FHIT: variants seen among roughly 807,000 people sequenced by gnomAD.
FHIT encodes the protein fragile histidine triad diadenosine triphosphatase, also known as bis(5'-adenosyl)-triphosphatase.
FHIT carries 19 observed loss-of-function variants against 17.9 expected under a neutral mutation model. The observed-to-expected ratio is 1.06, with a 90% CI of 0.74 to 1.56. FHIT has a LOEUF of 1.56. Ranked by LOEUF, FHIT falls within the 40% of genes most tolerant of loss-of-function variation. FHIT has a pLI of 0.00. For synonymous variants in FHIT, 81 were observed against 69.7 expected (o/e 1.16, Z -0.81); for missense variants, 248 against 189.2 (o/e 1.31, Z -1.82).
chr3:59,758,711 T>A (rs1701345831), intron 8 of FHIT, among the ~76,000 whole-genome samples: 1 of 152,176 alleles, frequency 6.6e-6, no homozygotes, highest in Non-Finnish European at 1.5e-5. Context: ...TGACAAATCA[T>A]GTCAAGTCTC....
At chr3:61,095,393 C>A (rs1488254683) in intron 2 of FHIT, among the ~76,000 whole-genome samples, 2 of 152,174 alleles carry the variant, frequency 1.3e-5, no homozygotes, top group African/African-American at 4.8e-5. Flanking sequence ...TGGAACAATT[C>A]TAAGCCTGTC....
intron 3 of FHIT, among the ~76,000 whole-genome samples, chr3:61,014,753 C>A (rs1678686068): frequency 8.2e-6 from 1 of 122,016 alleles, no homozygotes; most frequent in Admixed American, 1.0e-4. Context: ...GCACTCCAGC[C>A]TGGGTGACAG....
chr3:61,037,352 C>T (rs984682685), intron 3 of FHIT, among the ~76,000 whole-genome samples: 1 of 152,106 alleles, frequency 6.6e-6, no homozygotes, highest in African/African-American at 2.4e-5. Context: ...ATTTTCTCTC[C>T]GTTTCCTCAA....
At chr3:59,994,253 G>C (rs896690816) in intron 7 of FHIT, among the ~76,000 whole-genome samples, 1 of 152,186 alleles carries the variant, frequency 6.6e-6, no homozygotes, top group East Asian at 1.9e-4. Flanking sequence ...GTAAAGTACT[G>C]TTACCATCAA....
rs1209779473 is a variant in FHIT, at chr3:59,748,572, G to C, written c.*1013C>G. On this transcript the variant is annotated 3_prime_UTR_variant, in exon 10 of 10. Transcript: ENST00000492590. ...GAAGAAGTCCAGCAGGCGAGGAGGT[G>C]GGAGGTCCTCAAGGCAGAAATAGGC... Among the ~76,000 whole-genome samples the C allele has an allele frequency of 6.7e-6, 1 of 149,550 alleles. No homozygotes were observed. The highest frequency in any genetic ancestry group is 2.2e-4 in the South Asian group (1 of 4,646).
At chr3:61,026,003 G>C (rs1559919965) in intron 3 of FHIT, among the ~76,000 whole-genome samples, 1 of 151,832 alleles carries the variant, frequency 6.6e-6, no homozygotes, top group Non-Finnish European at 1.5e-5. Context: ...AAAATTTATT[G>C]GTACATATTT....
chr3:60,833,528 T>G (rs561031847), intron 3 of FHIT, among the ~76,000 whole-genome samples: 1 of 152,302 alleles, frequency 6.6e-6, no homozygotes, highest in Non-Finnish European at 1.5e-5. Context: ...TCTGTGACCT[T>G]CTCCTCTATG....
chr3:60,891,894 C>T lies in FHIT; in HGVS notation c.-110-69883G>A, dbSNP rs1206589918. 3.9e-5 allele frequency among the ~76,000 whole-genome samples: 6 copies of T among 152,158 alleles called. No individual in the cohort carries two copies. The East Asian group carries it at 1.2e-3, about 29-fold the overall frequency. On this transcript the variant is annotated intron_variant, in intron 3 of 9. Coordinates refer to ENST00000492590, the MANE Select transcript of FHIT (RefSeq NM_002012.4). ...AAGTGAGCAAACAAGGAAACTAAGA[C>T]ATTAATGAGACATGTGGTTCAAAAG...
chr3:60,447,064 T>C (rs1453948953), intron 5 of FHIT, among the ~76,000 whole-genome samples: 4 of 152,002 alleles, frequency 2.6e-5, no homozygotes, highest in African/African-American at 9.7e-5. Context: ...ATTTTCTAGC[T>C]GCCTGTTTTC....
chr3:59,853,958 T>C (rs768114752), intron 8 of FHIT, among the ~76,000 whole-genome samples: 14 of 151,962 alleles, frequency 9.2e-5, no homozygotes, highest in Non-Finnish European at 1.8e-4. Flanking sequence ...ATCCCACCAA[T>C]AGATAAAGTC....
At chr3:60,429,346 A>C (rs1169439368) in intron 5 of FHIT, among the ~76,000 whole-genome samples, 3 of 152,140 alleles carry the variant, frequency 2.0e-5, no homozygotes, top group Non-Finnish European at 2.9e-5. Context: ...TGAGTAAGAC[A>C]TTAAAAAATT....
intron 1 of FHIT, among the ~76,000 whole-genome samples, chr3:61,205,203 T>C (rs1345656435): frequency 2.0e-4 from 30 of 152,162 alleles, no homozygotes; most frequent in Admixed American, 2.0e-3. Flanking sequence ...TGCCACATTT[T>C]CTTAATCCAG....
Position 61,042,095 on chromosome 3 carries a change from C to T in FHIT, c.-159G>A, listed in dbSNP as rs532916034. The T allele has an allele frequency of 6.6e-5, 10 of 152,232 alleles. No homozygotes were observed. Among genetic ancestry groups the T allele is most frequent in the African/African-American group, 1.9e-4 (8 of 41,522 alleles). 9.4% of individuals were successfully genotyped at this position (152,232 alleles called of 1,614,324 possible). ...CACCGTCTGGATGTAGATAGCACTA[C>T]GGACCTAGGGAAAGGCAGAAACACA... On this transcript the variant is annotated 5_prime_UTR_variant, in exon 3 of 10. Coordinates refer to ENST00000492590, the MANE Select transcript of FHIT (RefSeq NM_002012.4).
At chr3:60,269,602 A>G (rs577700546) in intron 5 of FHIT, among the ~76,000 whole-genome samples, 2 of 152,352 alleles carry the variant, frequency 1.3e-5, no homozygotes, top group South Asian at 4.1e-4. Context: ...GCAAAGAAAT[A>G]TCTTTTGAGG....
At chr3:59,797,050 T>C (rs1699804979) in intron 8 of FHIT, among the ~76,000 whole-genome samples, 2 of 152,204 alleles carry the variant, frequency 1.3e-5, no homozygotes, top group African/African-American at 4.8e-5. Context: ...TTTCATCATA[T>C]ATTTAACATC....
At chr3:60,006,598 C>G (rs17061746) in intron 7 of FHIT, among the ~76,000 whole-genome samples, 4,901 of 151,320 alleles carry the variant, frequency 0.032, 125 homozygotes, top group East Asian at 0.095. Flanking sequence ...TACTGAACAT[C>G]AATACGTCAG....
At chr3:60,112,461 C>T (rs780863764) in intron 5 of FHIT, among the ~76,000 whole-genome samples, 12 of 152,116 alleles carry the variant, frequency 7.9e-5, no homozygotes, top group South Asian at 2.1e-4. Context: ...CCAACCATTT[C>T]GTAAAACTCA....
chr3:60,093,859 A>G (rs1703831804), intron 5 of FHIT, among the ~76,000 whole-genome samples: 1 of 152,156 alleles, frequency 6.6e-6, no homozygotes, highest in Non-Finnish European at 1.5e-5. Context: ...CTGGTGTCCT[A>G]AAGGTTGGGG....
chr3:60,531,367 C>T (rs923264066), intron 5 of FHIT, among the ~76,000 whole-genome samples: 13 of 150,398 alleles, frequency 8.6e-5, no homozygotes, highest in East Asian at 3.9e-4. Flanking sequence ...CAAGCTCCGC[C>T]TCCCGGGTTC....
Sources: gnomAD v4.1 joint callset for allele counts (sites outside exome capture counted in the v4.1 genomes callset) on GRCh38, gnomAD v4.1.1 for gene constraint, MANE v1.5 for transcripts, NCBI Gene and HGNC (gene_info 2026-07-23, HGNC 2026-07-21) for gene names.